Variants in ERAP2 observed in about 807,000 individuals in gnomAD.
The protein encoded by ERAP2 is endoplasmic reticulum aminopeptidase 2, also known as leukocyte-derived arginine aminopeptidase.
A neutral mutation model predicts 111.1 loss-of-function variants in ERAP2; 118 were observed. That is an observed-to-expected ratio of 1.06 (90% CI 0.92 to 1.24). ERAP2 has a LOEUF of 1.24. Ranked by LOEUF, ERAP2 falls within the 50% of genes most tolerant of loss-of-function variation. The pLI, the probability that ERAP2 is intolerant of heterozygous loss-of-function variation, is 0.00. For missense variants in ERAP2, 1,131 were observed against 1,125.8 expected, an observed-to-expected ratio of 1.00 and a Z score of -0.07; for synonymous variants, 410 against 401.2, an observed-to-expected ratio of 1.02 and a Z score of -0.26.
Position 96,896,523 on chromosome 5 carries a change from A to G in ERAP2, c.1371+19A>G. On this transcript the variant is annotated intron_variant, in intron 8 of 18. Coordinates refer to ENST00000437043, the MANE Select transcript of ERAP2 (RefSeq NM_022350.5). ...TAACAAGGTAGTAAATATCAGGTGCAGGTGGAAGCTCTGCTTTCAGAAGTG... is the reference window on the plus strand; with the variant it reads ...TAACAAGGTAGTAAATATCAGGTGCGGGTGGAAGCTCTGCTTTCAGAAGTG... 1.3e-6 allele frequency: 2 copies of G among 1,598,926 alleles called. No homozygotes were observed. The highest frequency in any genetic ancestry group is 1.7e-6 in the Non-Finnish European group (2 of 1,175,360).
intron 7 of ERAP2, 44 bp downstream of exon 7, chr5:96,895,403 T>C: frequency 1.6e-6 from 2 of 1,281,960 alleles, no homozygotes; most frequent in African/African-American, 1.5e-5. Flanking sequence ...GTGTAAAGAA[T>C]CATCAATTCA....
chr5:96,907,545 G>A (rs1786223635), intron 13 of ERAP2, among the ~76,000 whole-genome samples: 1 of 151,418 alleles, frequency 6.6e-6, no homozygotes, highest in Admixed American at 6.6e-5. Context: ...TGCTCACACA[G>A]GTGGGAAGGA....
intron 7 of ERAP2, 33 bp downstream of exon 7, chr5:96,895,392 G>T: frequency 7.4e-7 from 1 of 1,347,502 alleles, no homozygotes. Flanking sequence ...CATACTATAT[G>T]GTGTAAAGAA....
At position 96,908,955 on chromosome 5, in the gene ERAP2, C is replaced by T. The variant is rs1405352975; in HGVS notation, c.2013-6C>T. On this transcript the variant is annotated splice_region_variant and splice_polypyrimidine_tract_variant and intron_variant, in intron 13 of 18. Transcript: ENST00000437043. ...ACAAACCACTGACATTTGTTTTATA[C>T]TTCAGTGCAGGGAGACTGACCCTAG... is the stretch of plus-strand genomic sequence containing the variant. The T allele has an allele frequency of 2.5e-6, 4 of 1,612,284 alleles. No homozygotes were observed. The highest frequency in any genetic ancestry group is 3.4e-6 in the Non-Finnish European group (4 of 1,179,252).
At chr5:96,910,116 T>C (rs1357277649) in intron 15 of ERAP2, 1 of 185,382 alleles carries the variant, frequency 5.4e-6, no homozygotes, top group Non-Finnish European at 1.2e-5. Flanking sequence ...AATGCAAAAA[T>C]TAGCCAAGTG....
chr5:96,903,646 G>GAA, intron 13 of ERAP2, 86 bp downstream of exon 13: 5 of 1,247,346 alleles, frequency 4.0e-6, no homozygotes, highest in Non-Finnish European at 5.5e-6. Flanking sequence ...GTTCAACATT[G>GAA]GTCATTGATT....
chr5:96,888,101 G>T (rs1487433064), intron 4 of ERAP2, among the ~76,000 whole-genome samples: 7 of 148,760 alleles, frequency 4.7e-5, no homozygotes, highest in African/African-American at 1.5e-4. Flanking sequence ...TCCAGCCTGG[G>T]TGACAAGAGT....
Position 96,918,931 on chromosome 5 carries a change from G to C in ERAP2, c.*1326G>C, listed in dbSNP as rs970825703. 5.3e-5 allele frequency: 8 copies of C among 152,254 alleles called. No homozygotes were observed. Among genetic ancestry groups the C allele is most frequent in the Non-Finnish European group, 7.4e-5 (5 of 68,012 alleles). The allele number at this position is 152,254 out of a possible 1,614,324, so 9.4% of individuals were successfully genotyped here. A position where few individuals can be genotyped will look rare whatever the true frequency, so the allele number is the denominator to read the frequency against. On this transcript the variant is annotated 3_prime_UTR_variant, in exon 19 of 19. Coordinates refer to ENST00000437043, the MANE Select transcript of ERAP2 (RefSeq NM_022350.5). ...CGCTTCTTGCTCTCTGAAATGCCCT[G>C]CTAAATGCTTCTCTTAATTATTTGA...
intron 16 of ERAP2, 128 bp downstream of exon 16, chr5:96,912,926 T>C (rs1449831814): frequency 1.4e-6 from 1 of 720,596 alleles, no homozygotes; most frequent in African/African-American, 1.9e-5. Flanking sequence ...GCTTTAACTT[T>C]ACTTTCAGAA....
chr5:96,891,212 C>T (rs1007574356), intron 5 of ERAP2, among the ~76,000 whole-genome samples: 8 of 151,920 alleles, frequency 5.3e-5, no homozygotes, highest in Non-Finnish European at 8.8e-5. Context: ...AAAAAATTAT[C>T]TTTTTTTCCA....
At position 96,903,484 on chromosome 5, in the gene ERAP2, C is replaced by T; in HGVS notation, c.1936C>T (p.Gln646Ter). The T allele has an allele frequency of 6.2e-7, 1 of 1,614,050 alleles. No homozygotes were observed. The highest frequency in any genetic ancestry group is 8.5e-7 in the Non-Finnish European group (1 of 1,179,946). Reference protein sequence around the residue: ...EGHGWDQLITQLNQNHTLLRP... With the variant: ...EGHGWDQLIT ...TCATGGATGGGACCAACTCATTACA[C>T]AGCTGAATCAGAACCACACACTTCT... Residue 646 changes from glutamine to a stop codon, truncating the protein, a stop_gained, in exon 13 of 19, where the codon CAG (glutamine) becomes TAG (stop). Transcript: ENST00000437043. LOFTEE classifies it high-confidence loss of function.
chr5:96,890,279 G>A (rs952320275), intron 5 of ERAP2, among the ~76,000 whole-genome samples: 5 of 152,310 alleles, frequency 3.3e-5, no homozygotes, highest in Non-Finnish European at 7.3e-5. Flanking sequence ...CCACCTCAGA[G>A]CATTGGGCAT....
In ERAP2 at chr5:96,879,966, C is replaced by T. The variant is rs753850576; in HGVS notation, c.281C>T (p.Ser94Phe). ...CTCACCTCTCTGGACTTTGTTGCAT[C>T]TGAGAAGATCGAAGTCTTGGTCAGC... Reference protein sequence around the residue: ...PNLTSLDFVASEKIEVLVSNA... With the variant: ...PNLTSLDFVAFEKIEVLVSNA... The change falls in exon 2 of 19, where the codon TCT becomes TTT. Residue 94 changes from serine (S) to phenylalanine (F), a missense_variant. Transcript: ENST00000437043. The T allele has an allele frequency of 5.6e-6, 9 of 1,614,048 alleles. No individual in the cohort carries two copies. The Admixed American group carries it at 8.3e-5, about 15-fold the overall frequency.
intron 5 of ERAP2, among the ~76,000 whole-genome samples, chr5:96,890,297 T>A (rs1353707911): frequency 2.0e-5 from 3 of 152,166 alleles, no homozygotes; most frequent in Admixed American, 1.3e-4. Context: ...CATTAGATTC[T>A]CATAAGGAAC....
chr5:96,918,799 T>A lies in ERAP2; in HGVS notation c.*1194T>A, dbSNP rs1486943972. On this transcript the variant is annotated 3_prime_UTR_variant, in exon 19 of 19. Coordinates refer to ENST00000437043, the MANE Select transcript of ERAP2 (RefSeq NM_022350.5). ...TTAGATTGTATTGTGTATTTTCGGTTAAATGATAATTGAATGTAAATATTT... is the reference window on the plus strand; with the variant it reads ...TTAGATTGTATTGTGTATTTTCGGTAAAATGATAATTGAATGTAAATATTT... 1.3e-5 allele frequency: 2 copies of A among 152,238 alleles called. No individual in the cohort carries two copies. Among genetic ancestry groups the A allele is most frequent in the Non-Finnish European group, 2.9e-5 (2 of 68,030 alleles). 9.4% of individuals were successfully genotyped at this position (152,238 alleles called of 1,614,324 possible).
At chr5:96,899,012 G>A (rs978034255) in intron 9 of ERAP2, among the ~76,000 whole-genome samples, 2 of 152,100 alleles carry the variant, frequency 1.3e-5, no homozygotes, top group African/African-American at 4.8e-5. Context: ...TGGCAGTAGA[G>A]GGTGGGAGTT....
At chr5:96,877,420 G>A (rs561764318) in intron 1 of ERAP2, among the ~76,000 whole-genome samples, 2 of 108,796 alleles carry the variant, frequency 1.8e-5, no homozygotes, top group South Asian at 6.8e-4. Context: ...CTACAAGTGG[G>A]GGCGAGCTAC....
At chr5:96,907,698 A>C (rs952921480) in intron 13 of ERAP2, among the ~76,000 whole-genome samples, 2 of 152,092 alleles carry the variant, frequency 1.3e-5, no homozygotes, top group African/African-American at 4.8e-5. Flanking sequence ...CCTGGCCAAC[A>C]TGGTGAAATC....
In ERAP2 at chr5:96,892,430, A is replaced by G. The variant is rs1428123385; in HGVS notation, c.1102A>G (p.Ile368Val). 6.2e-7 allele frequency: 1 copy of G among 1,614,044 alleles called. No homozygotes were observed. The highest frequency in any genetic ancestry group is 8.5e-7 in the Non-Finnish European group (1 of 1,179,926). Residue 368 changes from isoleucine to valine, a missense_variant, in exon 6 of 19, where the codon ATA (isoleucine) becomes GTA (valine). This residue lies in a region of ERAP2 where 847 missense variants were observed against 856.5 expected (regional missense o/e 0.99). Transcript: ENST00000437043. ...ASDKLWVTRVIAHELAHQWFG... is the reference protein window; with the variant it reads ...ASDKLWVTRVVAHELAHQWFG... ...CGATAAACTGTGGGTCACCAGAGTC[A>G]TAGCCCATGAACTGGCGCACCAGGT...
Sources: allele counts gnomAD v4.1 joint callset (sites outside exome capture counted in the v4.1 genomes callset), GRCh38; gene constraint gnomAD v4.1.1; regional missense constraint gnomAD v4.1.1; transcripts MANE v1.5; gene names NCBI Gene and HGNC (gene_info 2026-07-23, HGNC 2026-07-21).